Variants in PHTF2 observed in about 807,000 individuals in gnomAD.
PHTF2 encodes the protein protein PHTF2.
PHTF2 carries 60 observed loss-of-function variants against 101.2 expected under a neutral mutation model. The ratio of observed to expected loss-of-function variants is 0.59; its 90% CI spans 0.48 to 0.73. PHTF2 has a LOEUF of 0.73. Among genes scored for constraint, PHTF2 ranks in the 30% least tolerant of loss-of-function variants. The pLI is 0.00. For missense variants in PHTF2, 747 were observed against 908.7 expected (o/e 0.82, Z 2.29); for synonymous variants, 311 against 307.3 (o/e 1.01, Z -0.13).
At chr7:77,927,172 AAAAAAATATAT>A (rs1313301059) in intron 11 of PHTF2, among the ~76,000 whole-genome samples, 2 of 97,164 alleles carry the variant, frequency 2.1e-5, no homozygotes, top group Non-Finnish European at 4.3e-5. Flanking sequence ...AAAAAAAAAA[AAAAAAATATAT>A]ATATATATAT....
chr7:77,831,443 G>A (rs573515170), intron 1 of PHTF2, among the ~76,000 whole-genome samples: 1 of 152,320 alleles, frequency 6.6e-6, no homozygotes, highest in African/African-American at 2.4e-5. Flanking sequence ...GGTGGCACAT[G>A]TTCTTTTTTC....
At chr7:77,877,928 C>T (rs1799084896) in intron 3 of PHTF2, among the ~76,000 whole-genome samples, 1 of 152,130 alleles carries the variant, frequency 6.6e-6, no homozygotes, top group South Asian at 2.1e-4. Flanking sequence ...GTGTGTCTGG[C>T]TTTGAATCAC....
chr7:77,938,694 A>G (rs1440378633), intron 13 of PHTF2, among the ~76,000 whole-genome samples: 1 of 152,164 alleles, frequency 6.6e-6, no homozygotes, highest in African/African-American at 2.4e-5. Context: ...GGAGAATGGC[A>G]TTAACCTGGG....
chr7:77,923,826 A>G, intron 11 of PHTF2: 1 of 985,282 alleles, frequency 1.0e-6, no homozygotes, highest in Non-Finnish European at 1.2e-6. Context: ...TTCTCACTCC[A>G]TGATCTTGGC....
intron 1 of PHTF2, among the ~76,000 whole-genome samples, chr7:77,816,088 C>A (rs973140217): frequency 2.1e-5 from 3 of 146,008 alleles, no homozygotes; most frequent in Admixed American, 2.0e-4. Context: ...TTTTTTTTTT[C>A]TTTGAGACAA....
intron 3 of PHTF2, among the ~76,000 whole-genome samples, chr7:77,891,574 G>T (rs1338141484): frequency 1.2e-5 from 1 of 83,384 alleles, no homozygotes; most frequent in Non-Finnish European, 2.2e-5. Context: ...GTATAATATG[G>T]TTTTTTTTTG....
At chr7:77,855,167 T>G (rs559983659) in intron 3 of PHTF2, among the ~76,000 whole-genome samples, 57 of 152,254 alleles carry the variant, frequency 3.7e-4, no homozygotes, top group Non-Finnish European at 6.8e-4. Context: ...ACCCAAGGGG[T>G]CTTTAGTCAG....
intron 3 of PHTF2, among the ~76,000 whole-genome samples, chr7:77,889,417 G>T (rs1431564875): frequency 7.9e-5 from 12 of 152,050 alleles, no homozygotes; most frequent in Admixed American, 7.9e-4. Context: ...ATATGTAAGG[G>T]TAATTTGTTA....
At position 77,918,622 on chromosome 7, in the gene PHTF2, A is replaced by G. The variant is rs1009652283; in HGVS notation, c.777-1657A>G. Reference sequence around the variant, plus strand: ...AGTGTTCAAGGGAGAGGTAAAGGAGACAATTAATAACTAATGTTTCTATCA... The same window carrying G: ...AGTGTTCAAGGGAGAGGTAAAGGAGGCAATTAATAACTAATGTTTCTATCA... On this transcript the variant is annotated intron_variant, in intron 9 of 19. Coordinates refer to ENST00000416283, the Ensembl canonical transcript of PHTF2. Among the ~76,000 whole-genome samples, 12 of 152,214 alleles carry G rather than the reference A, an allele frequency of 7.9e-5. 1 individual carries two copies. Among genetic ancestry groups the G allele is most frequent in the Admixed American group, 4.6e-4 (7 of 15,278 alleles).
intron 19 of PHTF2, among the ~76,000 whole-genome samples, chr7:77,954,612 G>GTGTGTATATATA (rs1426693429): frequency 0.019 from 1,712 of 90,018 alleles, 31 homozygotes; most frequent in South Asian, 0.029. Context: ...CAAGTACTGT[G>GTGTGTATATATA]TATATATATA....
In PHTF2 at chr7:77,940,668, G is replaced by A; in HGVS notation, c.1872+9G>A. ...TCCGTTCCTATCTTAAGGTAGAATG[G>A]GAGTGATAAAAGTAGCTTTAACATG... On this transcript the variant is annotated intron_variant, in intron 15 of 19. Coordinates refer to ENST00000416283, the Ensembl canonical transcript of PHTF2. The A allele has an allele frequency of 6.3e-7, 1 of 1,578,820 alleles. No individual in the cohort carries two copies.
intron 1 of PHTF2, among the ~76,000 whole-genome samples, chr7:77,803,287 A>C (rs1792706297): frequency 6.6e-6 from 1 of 152,240 alleles, no homozygotes; most frequent in Non-Finnish European, 1.5e-5. Flanking sequence ...TTCCAGTTGC[A>C]AAAACAGTAC....
intron 3 of PHTF2, among the ~76,000 whole-genome samples, chr7:77,869,086 T>G (rs571552902): frequency 6.6e-6 from 1 of 152,330 alleles, no homozygotes; most frequent in South Asian, 2.1e-4. Flanking sequence ...TGGTTCTCTT[T>G]TGACTTTGAG....
At chr7:77,862,112 C>CA (rs1368779456) in intron 3 of PHTF2, among the ~76,000 whole-genome samples, 7 of 151,504 alleles carry the variant, frequency 4.6e-5, no homozygotes, top group Admixed American at 3.3e-4. Context: ...TCTTCCCTAG[C>CA]AGTACCTTTT....
At chr7:77,910,148 C>T in intron 8 of PHTF2, 97 bp from the exon 8 acceptor site, 3 of 854,034 alleles carry the variant, frequency 3.5e-6, no homozygotes, top group Non-Finnish European at 3.6e-6. Flanking sequence ...AAGTAAAGTT[C>T]CTGTGTTTAT....
At chr7:77,855,860 G>C (rs1226199125) in intron 3 of PHTF2, among the ~76,000 whole-genome samples, 2 of 152,196 alleles carry the variant, frequency 1.3e-5, no homozygotes, top group Non-Finnish European at 2.9e-5. Flanking sequence ...CTGGGAATGT[G>C]GGAGGGGTGG....
chr7:77,954,322 C>A (rs1007905888), intron 19 of PHTF2, among the ~76,000 whole-genome samples: 1 of 151,794 alleles, frequency 6.6e-6, no homozygotes, highest in Non-Finnish European at 1.5e-5. Flanking sequence ...TTAGTAGAGA[C>A]AGTGTTTCAC....
chr7:77,815,353 C>T (rs1333052239), intron 1 of PHTF2, among the ~76,000 whole-genome samples: 1 of 151,886 alleles, frequency 6.6e-6, no homozygotes, highest in African/African-American at 2.4e-5. Flanking sequence ...AAGTGGCTGT[C>T]CAATATGTTA....
rs540660491 is a variant in PHTF2, at chr7:77,799,231, G to A, written c.-36+260G>A. ...AGCCGCCTTCCTCCCGAGCTCGCGC[G>A]GTCCTCAAGTCTTGATGGTGACGGG... On this transcript the variant is annotated intron_variant, in intron 1 of 19. Transcript: ENST00000416283. Among the ~76,000 whole-genome samples, 7 of 152,276 alleles carry A rather than the reference G, an allele frequency of 4.6e-5. 1 individual carries two copies. In the South Asian group the frequency reaches 1.4e-3, roughly 32 times the overall value.
Sources: gnomAD v4.1 joint callset for allele counts (sites outside exome capture counted in the v4.1 genomes callset) on GRCh38, gnomAD v4.1.1 for gene constraint, MANE v1.5 for transcripts, NCBI Gene and HGNC (gene_info 2026-07-23, HGNC 2026-07-21) for gene names.